The following TMTC1 variants were observed in gnomAD, a reference collection of about 807,000 sequenced individuals.
TMTC1 encodes the protein transmembrane O-mannosyltransferase targeting cadherins 1, also known as protein O-mannosyl-transferase TMTC1.
Under a neutral mutation model 104.8 loss-of-function variants are expected in TMTC1, and 73 were observed. The ratio of observed to expected loss-of-function variants is 0.70; its 90% CI spans 0.58 to 0.85. TMTC1 has a LOEUF of 0.85. Among genes scored for constraint, TMTC1 ranks in the 40% least tolerant of loss-of-function variants. The probability of loss-of-function intolerance (pLI) is 0.00; values close to 1 mark genes in which losing one functional copy is unlikely to be tolerated. For synonymous variants in TMTC1, 434 were observed against 428.7 expected (o/e 1.01, Z -0.15); for missense variants, 1,035 against 1,096.1 (o/e 0.94, Z 0.79).
intron 5 of TMTC1, among the ~76,000 whole-genome samples, chr12:29,683,064 G>T (rs1490150562): frequency 6.6e-6 from 1 of 152,152 alleles, no homozygotes; most frequent in Non-Finnish European, 1.5e-5. Context: ...AGCTAACCTA[G>T]TTCTAAAGCC....
At chr12:29,758,845 C>T in intron 2 of TMTC1, 68 bp from the exon 3 acceptor site, 1 of 1,319,698 alleles carries the variant, frequency 7.6e-7, no homozygotes, top group Non-Finnish European at 1.0e-6. Context: ...TACACAAATC[C>T]ATTACAGAAA....
chr12:29,734,297 T>C (rs1440507008), intron 5 of TMTC1, among the ~76,000 whole-genome samples: 1 of 152,196 alleles, frequency 6.6e-6, no homozygotes, highest in African/African-American at 2.4e-5. Context: ...AGTTTGCCTG[T>C]CTCTAATAAA....
chr12:29,673,302 C>T (rs1940587840), intron 5 of TMTC1, among the ~76,000 whole-genome samples: 1 of 152,212 alleles, frequency 6.6e-6, no homozygotes, highest in Non-Finnish European at 1.5e-5. Flanking sequence ...ATAAGAATCA[C>T]AGCCGCTCTT....
At chr12:29,552,044 A>AT (rs1373782640) in intron 10 of TMTC1, among the ~76,000 whole-genome samples, 3 of 152,226 alleles carry the variant, frequency 2.0e-5, no homozygotes, top group Non-Finnish European at 4.4e-5. Flanking sequence ...AAGAATTCAA[A>AT]TGAGTTGCTA....
At chr12:29,718,929 T>C (rs976741974) in intron 5 of TMTC1, among the ~76,000 whole-genome samples, 3 of 99,888 alleles carry the variant, frequency 3.0e-5, no homozygotes, top group Admixed American at 2.0e-4. Context: ...CGAGACTCCA[T>C]CTCAAAAAAA....
intron 5 of TMTC1, among the ~76,000 whole-genome samples, chr12:29,644,990 C>T (rs767682082): frequency 3.3e-5 from 5 of 152,182 alleles, no homozygotes; most frequent in Non-Finnish European, 7.3e-5. Flanking sequence ...GGGCTTGGCA[C>T]ACTGCCCTGT....
At chr12:29,557,117 G>T in intron 9 of TMTC1, 117 bp from the exon 10 acceptor site, 1 of 1,157,510 alleles carries the variant, frequency 8.6e-7, no homozygotes, top group Non-Finnish European at 1.2e-6. Context: ...AATTATTCTT[G>T]TACTTGAATG....
chr12:29,752,087 A>C (rs1229524547), intron 4 of TMTC1, among the ~76,000 whole-genome samples: 1 of 151,736 alleles, frequency 6.6e-6, no homozygotes, highest in African/African-American at 2.4e-5. Context: ...GTATTGACCT[A>C]GTATAGAACA....
chr12:29,510,268 A>G (rs746830625), intron 17 of TMTC1, among the ~76,000 whole-genome samples: 9 of 152,234 alleles, frequency 5.9e-5, no homozygotes, highest in Non-Finnish European at 8.8e-5. Context: ...GTATCTAGAC[A>G]TACTGAAACA....
At chr12:29,546,943 T>A (rs999282119) in intron 10 of TMTC1, among the ~76,000 whole-genome samples, 4 of 152,122 alleles carry the variant, frequency 2.6e-5, no homozygotes, top group Non-Finnish European at 5.9e-5. Flanking sequence ...ATTCCAAAAA[T>A]TATTCCTTTT....
At chr12:29,637,668 C>T (rs889082722) in intron 5 of TMTC1, among the ~76,000 whole-genome samples, 3 of 152,006 alleles carry the variant, frequency 2.0e-5, no homozygotes, top group Non-Finnish European at 2.9e-5. Flanking sequence ...TCATTTTTAT[C>T]GAGAAAAAAA....
At chr12:29,664,118 C>T (rs1056573096) in intron 5 of TMTC1, among the ~76,000 whole-genome samples, 40 of 149,570 alleles carry the variant, frequency 2.7e-4, no homozygotes, top group Middle Eastern at 3.4e-3. Context: ...ACCCGGGAGG[C>T]GGAGCTTGCA....
chr12:29,628,077 C>T (rs1361899275), intron 6 of TMTC1, among the ~76,000 whole-genome samples: 1 of 152,136 alleles, frequency 6.6e-6, no homozygotes, highest in Admixed American at 6.5e-5. Flanking sequence ...TTGTCCAATC[C>T]AGCTTATAAA....
intron 5 of TMTC1, among the ~76,000 whole-genome samples, chr12:29,650,229 C>T (rs962512680): frequency 2.0e-5 from 3 of 152,024 alleles, no homozygotes; most frequent in South Asian, 2.1e-4. Flanking sequence ...GGATTATAGA[C>T]GTGCACCATG....
At chr12:29,665,781 G>A (rs1195464222) in intron 5 of TMTC1, among the ~76,000 whole-genome samples, 4 of 152,170 alleles carry the variant, frequency 2.6e-5, no homozygotes, top group Admixed American at 2.0e-4. Flanking sequence ...CATCAGAGCT[G>A]ATCACTGTCA....
chr12:29,775,951 A>G (rs535983595), intron 1 of TMTC1, among the ~76,000 whole-genome samples: 3 of 152,292 alleles, frequency 2.0e-5, no homozygotes, highest in African/African-American at 7.2e-5. Context: ...TCACTTGGGA[A>G]ATTCCAAGGG....
At chr12:29,587,514 T>C (rs1412438893) in intron 7 of TMTC1, among the ~76,000 whole-genome samples, 1 of 151,996 alleles carries the variant, frequency 6.6e-6, no homozygotes, top group African/African-American at 2.4e-5. Context: ...TGTATTTTTC[T>C]GTAGAGATGG....
At chr12:29,669,551 C>T (rs750929740) in intron 5 of TMTC1, among the ~76,000 whole-genome samples, 2 of 152,056 alleles carry the variant, frequency 1.3e-5, no homozygotes, top group Non-Finnish European at 2.9e-5. Context: ...TGGAAATTTC[C>T]GAGATACCAG....
intron 7 of TMTC1, among the ~76,000 whole-genome samples, chr12:29,595,337 C>T (rs1477450940): frequency 6.6e-6 from 1 of 152,238 alleles, no homozygotes; most frequent in East Asian, 1.9e-4. Flanking sequence ...CTCCAGCCCA[C>T]AGGCACCTTG....
Sources: gnomAD v4.1 joint callset for allele counts (sites outside exome capture counted in the v4.1 genomes callset) on GRCh38, gnomAD v4.1.1 for gene constraint, MANE v1.5 for transcripts, NCBI Gene and HGNC (gene_info 2026-07-23, HGNC 2026-07-21) for gene names.